The following OPCML variants were observed in gnomAD, a reference collection of about 807,000 sequenced individuals.
The protein encoded by OPCML is opioid-binding protein/cell adhesion molecule.
OPCML carries 13 observed loss-of-function variants against 37.8 expected under a neutral mutation model. The ratio of observed to expected loss-of-function variants is 0.34; its 90% CI spans 0.22 to 0.55. The LOEUF (loss-of-function observed/expected upper bound fraction) is 0.55, where lower values mean the gene tolerates loss of function less well. OPCML is among the 20% of genes least tolerant of loss of function. OPCML has a pLI of 0.91. For synonymous variants in OPCML, 176 were observed against 168.8 expected, an observed-to-expected ratio of 1.04 and a Z score of -0.33; for missense variants, 341 against 435.6, an observed-to-expected ratio of 0.78 and a Z score of 1.93.
chr11:132,473,697 G>A (rs773486393), intron 4 of OPCML, among the ~76,000 whole-genome samples: 6 of 152,088 alleles, frequency 3.9e-5, no homozygotes, highest in Non-Finnish European at 8.8e-5. Context: ...ATAGTGGTGT[G>A]CACCTGTGGT....
At chr11:133,207,386 A>C (rs1429030881) in intron 1 of OPCML, among the ~76,000 whole-genome samples, 1 of 152,208 alleles carries the variant, frequency 6.6e-6, no homozygotes, top group Non-Finnish European at 1.5e-5. Flanking sequence ...GCTTTAAGTC[A>C]GGAGGGTAAC....
At chr11:132,494,100 T>C (rs974918255) in intron 4 of OPCML, among the ~76,000 whole-genome samples, 10 of 152,228 alleles carry the variant, frequency 6.6e-5, no homozygotes, top group African/African-American at 1.7e-4. Context: ...TCTCTTGTTA[T>C]GGTCACCTTC....
chr11:133,098,699 AACCTACAGCTAGC>A (rs1949041439), intron 1 of OPCML, among the ~76,000 whole-genome samples: 2 of 152,326 alleles, frequency 1.3e-5, no homozygotes, highest in African/African-American at 4.8e-5. Context: ...ATCTCCAGAA[AACCTACAGCTAGC>A]ACCATACTTA....
At chr11:133,095,656 A>G (rs1023738651) in intron 1 of OPCML, among the ~76,000 whole-genome samples, 3 of 149,224 alleles carry the variant, frequency 2.0e-5, no homozygotes, top group Non-Finnish European at 4.5e-5. Flanking sequence ...AGAAAAGCCT[A>G]CACATTCATA....
intron 1 of OPCML, among the ~76,000 whole-genome samples, chr11:133,054,589 G>A (rs928395290): frequency 2.0e-5 from 3 of 152,156 alleles, no homozygotes; most frequent in African/African-American, 7.2e-5. Flanking sequence ...ATCATCACAG[G>A]GGCATAGACG....
intron 1 of OPCML, among the ~76,000 whole-genome samples, chr11:133,389,301 A>G (rs1397077181): frequency 6.6e-6 from 1 of 152,190 alleles, no homozygotes; most frequent in Non-Finnish European, 1.5e-5. Flanking sequence ...GAGATAGATG[A>G]TTGTTGAAAC....
chr11:132,871,135 T>C (rs74914809), intron 2 of OPCML, among the ~76,000 whole-genome samples: 8,639 of 151,992 alleles, frequency 0.057, 808 homozygotes, highest in African/African-American at 0.19. Context: ...AATGTATATG[T>C]ATATATTCCA....
intron 1 of OPCML, among the ~76,000 whole-genome samples, chr11:133,292,039 C>A (rs574071689): frequency 2.9e-4 from 44 of 152,170 alleles, no homozygotes; most frequent in Non-Finnish European, 4.6e-4. Context: ...ATATGGCCGT[C>A]GGTGAAGCAA....
intron 1 of OPCML, among the ~76,000 whole-genome samples, chr11:133,442,726 C>CGTAT (rs1946388579): frequency 7.1e-6 from 1 of 141,350 alleles, no homozygotes; most frequent in African/African-American, 2.6e-5. Flanking sequence ...CATATTTAAA[C>CGTAT]GTGTGTGTGT....
At position 132,725,390 on chromosome 11, in the gene OPCML, A is replaced by AG. The variant is rs550943135; in HGVS notation, c.147-68072dup. Among the ~76,000 whole-genome samples the AG allele has an allele frequency of 5.1e-4, 78 of 152,140 alleles. 1 individual carries two copies. In the South Asian group the frequency reaches 0.012, roughly 24 times the overall value. ...ACCAAGTCCTTAGGATGCACACAGC[A>AG]GGGGGGGCCCTGGGCCTAGCCCAGG... On this transcript the variant is annotated intron_variant, in intron 2 of 7. Transcript: ENST00000524381.
At chr11:132,732,613 A>G (rs1945116025) in intron 2 of OPCML, among the ~76,000 whole-genome samples, 1 of 152,182 alleles carries the variant, frequency 6.6e-6, no homozygotes, top group Non-Finnish European at 1.5e-5. Context: ...TGAGGAAAAA[A>G]GCTGGCACCC....
chr11:133,457,002 C>T lies in OPCML; in HGVS notation c.61+75262G>A, dbSNP rs183767784. Among the ~76,000 whole-genome samples, 12 of 152,128 alleles carry T rather than the reference C, an allele frequency of 7.9e-5. No individual in the cohort carries two copies. The East Asian group carries it at 1.7e-3, about 22-fold the overall frequency. The stretch of plus-strand genomic sequence containing the variant: ...ACAAATGTGAAGATAAATACGGACA[C>T]GCAAATACAAGAAGTCTAAGTAGGA... On this transcript the variant is annotated intron_variant, in intron 1 of 7. Transcript: ENST00000524381.
chr11:133,234,218 C>A (rs1940412708), intron 1 of OPCML, among the ~76,000 whole-genome samples: 1 of 149,490 alleles, frequency 6.7e-6, no homozygotes, highest in Admixed American at 6.7e-5. Context: ...GTTTTGTTTT[C>A]TAAAAAAAAA....
chr11:132,807,773 A>G (rs1352759561), intron 2 of OPCML, among the ~76,000 whole-genome samples: 1 of 152,200 alleles, frequency 6.6e-6, no homozygotes, highest in African/African-American at 2.4e-5. Flanking sequence ...TTCCACTCCC[A>G]GCTAAACCCG....
rs149355281 is a variant in OPCML at position 133,346,955 on chromosome 11, A to G, written c.61+185309T>C. 6.0e-4 allele frequency among the ~76,000 whole-genome samples: 92 copies of G among 152,242 alleles called. 2 individuals are homozygous for G. The highest frequency in any genetic ancestry group is 8.2e-4 in the Non-Finnish European group (56 of 68,020). The stretch of plus-strand genomic sequence containing the variant: ...TCCCTACTGAAGACTGACTTTCCTG[A>G]CTCCCAATAGCCTTCAAAAAGGACA... On this transcript the variant is annotated intron_variant, in intron 1 of 7. Coordinates refer to ENST00000524381, the MANE Select transcript of OPCML (RefSeq NM_001012393.5).
chr11:133,109,752 C>T (rs1011480935), intron 1 of OPCML, among the ~76,000 whole-genome samples: 5 of 152,146 alleles, frequency 3.3e-5, no homozygotes, highest in South Asian at 2.1e-4. Flanking sequence ...CATGATTTTG[C>T]CCTGTCAGGA....
intron 1 of OPCML, among the ~76,000 whole-genome samples, chr11:133,196,386 C>A (rs1938537573): frequency 6.6e-6 from 1 of 152,208 alleles, no homozygotes; most frequent in Non-Finnish European, 1.5e-5. Flanking sequence ...TTTCCACCCT[C>A]CACCCAGCGA....
chr11:132,955,548 A>T (rs2136707207), intron 1 of OPCML, among the ~76,000 whole-genome samples: 1 of 152,300 alleles, frequency 6.6e-6, no homozygotes, highest in South Asian at 2.1e-4. Context: ...TATATAGAGA[A>T]GAAAGATTAC....
intron 4 of OPCML, among the ~76,000 whole-genome samples, chr11:132,492,940 T>C (rs662233): frequency 0.46 from 70,674 of 152,014 alleles, 17,168 homozygotes; most frequent in Non-Finnish European, 0.54. Context: ...GAATGGATGA[T>C]GGCCCTCCAG....
Sources: gnomAD v4.1 joint callset for allele counts (sites outside exome capture counted in the v4.1 genomes callset) on GRCh38, gnomAD v4.1.1 for gene constraint, MANE v1.5 for transcripts, NCBI Gene and HGNC (gene_info 2026-07-23, HGNC 2026-07-21) for gene names.